Variants in ITPR1 observed in about 807,000 individuals in gnomAD.
The protein encoded by ITPR1 is inositol 1,4,5-trisphosphate receptor type 1, also known as inositol 1,4,5-trisphosphate-gated calcium channel ITPR1.
ITPR1 carries 96 observed loss-of-function variants against 318.4 expected under a neutral mutation model. The observed-to-expected ratio is 0.30, with a 90% confidence interval of 0.26 to 0.36. The LOEUF is 0.36. Ranked by LOEUF, ITPR1 falls within the 10% of genes least tolerant of loss-of-function variation. The probability of loss-of-function intolerance (pLI) is 1.00; values close to 1 mark genes in which losing one functional copy is unlikely to be tolerated. For synonymous variants in ITPR1, 1,312 were observed against 1,289.9 expected, an observed-to-expected ratio of 1.02 and a Z score of -0.37; for missense variants, 2,440 against 3,460.2, an observed-to-expected ratio of 0.71 and a Z score of 7.40.
intron 44 of ITPR1, among the ~76,000 whole-genome samples, chr3:4,746,715 G>A (rs2044135023): frequency 6.6e-6 from 1 of 152,242 alleles, no homozygotes; most frequent in Non-Finnish European, 1.5e-5. Context: ...ATGAATCAGT[G>A]TGGATACTCC....
intron 53 of ITPR1, among the ~76,000 whole-genome samples, chr3:4,797,991 G>A (rs1257360452): frequency 3.3e-5 from 5 of 152,200 alleles, no homozygotes; most frequent in African/African-American, 9.7e-5. Context: ...TCTTTCTAGA[G>A]TTGATTTTTT....
At chr3:4,527,328 C>T (rs1172302102) in intron 4 of ITPR1, among the ~76,000 whole-genome samples, 1 of 152,206 alleles carries the variant, frequency 6.6e-6, no homozygotes, top group East Asian at 1.9e-4. Context: ...GGACATACCC[C>T]ATCATGCCTG....
intron 44 of ITPR1, among the ~76,000 whole-genome samples, chr3:4,753,538 G>A (rs2044710167): frequency 6.6e-6 from 1 of 152,102 alleles, no homozygotes; most frequent in South Asian, 2.1e-4. Context: ...TGCAGGGTGG[G>A]GAGACATGAA....
At chr3:4,699,288 T>C (rs535749786) in intron 34 of ITPR1, among the ~76,000 whole-genome samples, 96 of 151,348 alleles carry the variant, frequency 6.3e-4, no homozygotes, top group African/African-American at 2.2e-3. Context: ...ACCTGGAAAA[T>C]GAAGGCCACA....
chr3:4,738,471 C>T lies in ITPR1; in HGVS notation c.5544+3117C>T, dbSNP rs193031764. Among the ~76,000 whole-genome samples the T allele has an allele frequency of 4.9e-4, 75 of 152,262 alleles. 1 individual carries two copies. The highest frequency in any genetic ancestry group is 1.6e-3 in the African/African-American group (66 of 41,552). On this transcript the variant is annotated intron_variant, in intron 44 of 61. Coordinates refer to ENST00000649015, the MANE Select transcript of ITPR1 (RefSeq NM_001378452.1). ...TTGGCTGAAATGGCGTCTGATTAGA[C>T]GTGGAAGAGAAGTCAGAGGCCCCAT... is the stretch of plus-strand genomic sequence containing the variant.
At chr3:4,691,840 T>C (rs907588380) in intron 32 of ITPR1, among the ~76,000 whole-genome samples, 1 of 152,148 alleles carries the variant, frequency 6.6e-6, no homozygotes, top group South Asian at 2.1e-4. Flanking sequence ...ATGGTTCCAT[T>C]GGCAGGGAGG....
At chr3:4,744,375 C>T (rs1025350453) in intron 44 of ITPR1, among the ~76,000 whole-genome samples, 6 of 152,144 alleles carry the variant, frequency 3.9e-5, no homozygotes, top group Admixed American at 2.6e-4. Flanking sequence ...TAGTGACTTC[C>T]GAGTGTGAGA....
intron 5 of ITPR1, among the ~76,000 whole-genome samples, chr3:4,632,002 A>G (rs535740893): frequency 1.3e-5 from 2 of 152,338 alleles, no homozygotes; most frequent in East Asian, 3.9e-4. Flanking sequence ...ATACAATTGT[A>G]TGGGATAAAT....
At chr3:4,626,630 A>G (rs555567695) in intron 4 of ITPR1, among the ~76,000 whole-genome samples, 12 of 152,280 alleles carry the variant, frequency 7.9e-5, no homozygotes, top group African/African-American at 2.4e-4. Flanking sequence ...ACATAAGACA[A>G]TGTATAAAGT....
intron 2 of ITPR1, among the ~76,000 whole-genome samples, chr3:4,509,111 G>A (rs1047736930): frequency 6.6e-6 from 1 of 152,210 alleles, no homozygotes; most frequent in Non-Finnish European, 1.5e-5. Context: ...ACCACTTTAT[G>A]TGGATTATTT....
chr3:4,669,975 A>G (rs2094037972), intron 19 of ITPR1, among the ~76,000 whole-genome samples: 1 of 152,168 alleles, frequency 6.6e-6, no homozygotes, highest in East Asian at 1.9e-4. Flanking sequence ...TAGTGGTGTC[A>G]CTTATTTTGC....
chr3:4,615,581 GGT>G (rs2092356643), intron 4 of ITPR1, among the ~76,000 whole-genome samples: 1 of 151,910 alleles, frequency 6.6e-6, no homozygotes, highest in Non-Finnish European at 1.5e-5. Context: ...TCACCATGTT[GGT>G]CAGGCTGGTC....
chr3:4,569,585 CT>C (rs2087764593), intron 4 of ITPR1, among the ~76,000 whole-genome samples: 1 of 152,120 alleles, frequency 6.6e-6, no homozygotes, highest in Non-Finnish European at 1.5e-5. Context: ...TTAGAAATGC[CT>C]TTTACTTTCT....
rs374587153 is a variant in ITPR1 at position 4,802,615 on chromosome 3, G to A, written c.7107+2015G>A. On this transcript the variant is annotated intron_variant, in intron 54 of 61. Coordinates refer to ENST00000649015, the MANE Select transcript of ITPR1 (RefSeq NM_001378452.1). Reference sequence around the variant, plus strand: ...AGGCGGGAAAATTGCTTGAGGCCAGGAGTTCAAGACCAGCCTGGCCAGTAT... The same window carrying A: ...AGGCGGGAAAATTGCTTGAGGCCAGAAGTTCAAGACCAGCCTGGCCAGTAT... Among the ~76,000 whole-genome samples the A allele has an allele frequency of 2.6e-4, 40 of 152,186 alleles. 2 individuals carry two copies. The highest frequency in any genetic ancestry group is 8.9e-4 in the African/African-American group (37 of 41,532).
chr3:4,563,069 A>G (rs2086845967), intron 4 of ITPR1, among the ~76,000 whole-genome samples: 1 of 152,230 alleles, frequency 6.6e-6, no homozygotes, highest in South Asian at 2.1e-4. Flanking sequence ...ATCTCTGGGG[A>G]CACAGTATGC....
chr3:4,730,535 G>A (rs1425630117), intron 42 of ITPR1, among the ~76,000 whole-genome samples: 8 of 151,848 alleles, frequency 5.3e-5, no homozygotes, highest in Admixed American at 5.3e-4. Context: ...GAGACAAAAT[G>A]GTAATGTGAG....
intron 60 of ITPR1, among the ~76,000 whole-genome samples, chr3:4,824,805 C>T (rs1325005385): frequency 6.6e-6 from 1 of 152,188 alleles, no homozygotes; most frequent in Non-Finnish European, 1.5e-5. Flanking sequence ...CAGACAACCA[C>T]TTCACAACCC....
intron 2 of ITPR1, among the ~76,000 whole-genome samples, chr3:4,507,087 A>G (rs1575343299): frequency 6.6e-6 from 1 of 152,104 alleles, no homozygotes; most frequent in East Asian, 1.9e-4. Flanking sequence ...AAAAATTTTG[A>G]GAAGAGTAGC....
At chr3:4,587,654 G>A (rs1370164130) in intron 4 of ITPR1, among the ~76,000 whole-genome samples, 2 of 152,150 alleles carry the variant, frequency 1.3e-5, no homozygotes, top group African/African-American at 4.8e-5. Context: ...TTAGTGGATT[G>A]TGTCTCACAC....
Sources: allele counts gnomAD v4.1 joint callset (sites outside exome capture counted in the v4.1 genomes callset), GRCh38; gene constraint gnomAD v4.1.1; transcripts MANE v1.5; gene names NCBI Gene and HGNC (gene_info 2026-07-23, HGNC 2026-07-21).